Variants in MYT1L observed in about 807,000 individuals in gnomAD.
MYT1L encodes myelin transcription factor 1 like.
A neutral mutation model predicts 126.7 loss-of-function variants in MYT1L; 12 were observed. The observed-to-expected ratio is 0.09, with a 90% confidence interval of 0.06 to 0.15. MYT1L has a LOEUF of 0.15. MYT1L is among the 10% of genes least tolerant of loss of function. MYT1L has a pLI of 1.00. For synonymous variants in MYT1L, 541 were observed against 604.2 expected, an observed-to-expected ratio of 0.90 and a Z score of 1.53; for missense variants, 979 against 1,585.2, an observed-to-expected ratio of 0.62 and a Z score of 6.49.
chr2:2,122,277 G>A (rs1047359798), intron 3 of MYT1L, among the ~76,000 whole-genome samples: 3 of 152,100 alleles, frequency 2.0e-5, no homozygotes, highest in Non-Finnish European at 2.9e-5. Context: ...TCTGTACCTC[G>A]GTTTACTCAT....
intron 2 of MYT1L, among the ~76,000 whole-genome samples, chr2:2,185,241 T>C (rs1325741745): frequency 1.3e-5 from 2 of 152,350 alleles, no homozygotes; most frequent in South Asian, 2.1e-4. Context: ...TAAATGGGAA[T>C]GAGGGCACTT....
chr2:2,201,216 A>G (rs1221925011), intron 2 of MYT1L, among the ~76,000 whole-genome samples: 1 of 151,712 alleles, frequency 6.6e-6, no homozygotes, highest in Non-Finnish European at 1.5e-5. Flanking sequence ...CATTTTGACA[A>G]TGGTGTCCAA....
intron 1 of MYT1L, among the ~76,000 whole-genome samples, chr2:2,306,553 A>G (rs889991719): frequency 6.6e-6 from 1 of 152,152 alleles, no homozygotes; most frequent in African/African-American, 2.4e-5. Flanking sequence ...ATATCTTTCC[A>G]TGCAATGCAA....
In MYT1L at chr2:1,943,070, ATCC is replaced by A. The variant is rs1553341147; in HGVS notation, c.414_416del (p.Glu138del). The A allele has an allele frequency of 1.4e-6, 2 of 1,450,998 alleles. No individual in the cohort carries two copies. The highest frequency in any genetic ancestry group is 1.4e-5 in the African/African-American group (1 of 68,968). 89.9% of individuals were successfully genotyped at this position (1,450,998 alleles called of 1,614,324 possible). On this transcript the variant is annotated inframe_deletion, in exon 9 of 25. Transcript: ENST00000647738. This position sits in a 1 kb window ranked among gnomAD's most constrained non-coding sequence, Gnocchi z 4.4. Reference sequence around the variant, plus strand: ...CTTCTCCATCCTCGTCATCGTCCTCATCCTCCTCCTCGATCTCCTCCTCCTCCT... The same window carrying A: ...CTTCTCCATCCTCGTCATCGTCCTCATCCTCCTCGATCTCCTCCTCCTCCT...
chr2:2,119,196 T>A (rs2080630909), intron 3 of MYT1L, among the ~76,000 whole-genome samples: 1 of 152,168 alleles, frequency 6.6e-6, no homozygotes, highest in South Asian at 2.1e-4. Context: ...CCAAAAAAAA[T>A]TAGAAAAATG....
intron 4 of MYT1L, among the ~76,000 whole-genome samples, chr2:2,006,011 CT>C (rs2063285078): frequency 6.6e-6 from 1 of 151,814 alleles, no homozygotes; most frequent in Non-Finnish European, 1.5e-5. Flanking sequence ...TGCATGCATT[CT>C]TTCCTGCATG....
chr2:1,978,775 C>T (rs531771889), intron 8 of MYT1L, among the ~76,000 whole-genome samples: 6 of 152,272 alleles, frequency 3.9e-5, no homozygotes, highest in African/African-American at 1.4e-4. Flanking sequence ...CAGCAGGTCA[C>T]ATTTTAATTG....
intron 3 of MYT1L, among the ~76,000 whole-genome samples, chr2:2,139,895 T>C (rs1374314785): frequency 6.6e-6 from 1 of 152,166 alleles, no homozygotes; most frequent in Non-Finnish European, 1.5e-5. Context: ...CTCAGGTATG[T>C]TGGTTTATTC....
At chr2:1,980,224 CAT>C (rs970757940) in intron 5 of MYT1L, among the ~76,000 whole-genome samples, 34 of 146,786 alleles carry the variant, frequency 2.3e-4, no homozygotes, top group African/African-American at 7.4e-4. Flanking sequence ...ATATATATAA[CAT>C]ATATATTTTG....
intron 4 of MYT1L, among the ~76,000 whole-genome samples, chr2:2,002,221 T>C (rs1425059693): frequency 6.6e-6 from 1 of 152,152 alleles, no homozygotes; most frequent in Non-Finnish European, 1.5e-5. Flanking sequence ...TGGGGTATAT[T>C]TTCTCCATGG....
intron 2 of MYT1L, among the ~76,000 whole-genome samples, chr2:2,199,224 C>T (rs1244599841): frequency 6.6e-6 from 1 of 152,164 alleles, no homozygotes; most frequent in Non-Finnish European, 1.5e-5. Context: ...AAAAGTTCAT[C>T]CTTTGCTTTG....
intron 2 of MYT1L, among the ~76,000 whole-genome samples, chr2:2,216,252 T>C (rs1308124361): frequency 6.6e-6 from 1 of 152,182 alleles, no homozygotes; most frequent in Non-Finnish European, 1.5e-5. Context: ...AGGTAGATTA[T>C]CTTCTGGGGT....
chr2:2,217,587 G>A (rs1420446817), intron 2 of MYT1L, among the ~76,000 whole-genome samples: 1 of 151,276 alleles, frequency 6.6e-6, no homozygotes, highest in African/African-American at 2.4e-5. Flanking sequence ...AGAGGCTGAA[G>A]GCAGGAGAAT....
chr2:2,036,633 G>C (rs2066886879), intron 4 of MYT1L, among the ~76,000 whole-genome samples: 1 of 152,156 alleles, frequency 6.6e-6, no homozygotes, highest in South Asian at 2.1e-4. Context: ...GAGTCTTTAT[G>C]ATTTTATCTT....
chr2:2,207,349 C>T (rs2093357198), intron 2 of MYT1L, among the ~76,000 whole-genome samples: 1 of 152,156 alleles, frequency 6.6e-6, no homozygotes, highest in South Asian at 2.1e-4. Flanking sequence ...TGATTAGAAG[C>T]TGCCTTTATG....
Position 1,892,188 on chromosome 2 carries a change from G to T in MYT1L, c.2132C>A (p.Ala711Asp), listed in dbSNP as rs1237180923. Residue 711 changes from alanine to aspartate, a missense_variant, in exon 15 of 25, where the codon GCC becomes GAC. By Grantham distance (126) the Ala-to-Asp change is moderately radical. Around this residue, in one of 12 missense-constraint regions of MYT1L, gnomAD observed 57 missense variants for 60.3 expected, o/e 0.94. Coordinates refer to ENST00000647738, the MANE Select transcript of MYT1L (RefSeq NM_001303052.2). ...SNLSCGGGSS[A>D]SSTCSKSSFD... ...GCTGCTCTTGCTGCACGTGCTGCTG[G>T]CGCTGCTGCCCCCGCCGCAGCTCAG... 5.8e-6 allele frequency: 9 copies of T among 1,549,432 alleles called. 1 individual carries two copies. Among genetic ancestry groups the T allele is most frequent in the Non-Finnish European group, 8.7e-7 (1 of 1,146,638 alleles).
At chr2:2,100,027 A>G (rs1326047857) in intron 3 of MYT1L, among the ~76,000 whole-genome samples, 1 of 152,106 alleles carries the variant, frequency 6.6e-6, no homozygotes, top group African/African-American at 2.4e-5. Context: ...ATTGTTTTAT[A>G]TTGTCTGTGT....
intron 3 of MYT1L, among the ~76,000 whole-genome samples, chr2:2,145,783 T>C (rs1422984763): frequency 6.6e-6 from 1 of 152,214 alleles, no homozygotes; most frequent in Admixed American, 6.5e-5. Flanking sequence ...AATATAATGT[T>C]TTGACAAATA....
intron 4 of MYT1L, among the ~76,000 whole-genome samples, chr2:1,998,323 T>G (rs752385462): frequency 3.9e-5 from 6 of 152,198 alleles, no homozygotes; most frequent in African/African-American, 1.4e-4. Context: ...ATAACCATCA[T>G]GGAAGTGCCG....
Sources: allele counts gnomAD v4.1 joint callset (sites outside exome capture counted in the v4.1 genomes callset), GRCh38; gene constraint gnomAD v4.1.1; regional missense constraint gnomAD v4.1.1; non-coding constraint Gnocchi (gnomAD v3.1); transcripts MANE v1.5; gene names NCBI Gene and HGNC (gene_info 2026-07-23, HGNC 2026-07-21).